The following SPECC1L variants were observed in gnomAD, a reference collection of about 807,000 sequenced individuals.
SPECC1L encodes sperm antigen with calponin homology and coiled-coil domains 1 like.
SPECC1L carries 40 observed loss-of-function variants against 116.8 expected under a neutral mutation model. That is an observed-to-expected ratio of 0.34 (90% confidence interval 0.27 to 0.45). SPECC1L has a LOEUF of 0.45. Ranked by LOEUF, SPECC1L falls within the 20% of genes least tolerant of loss-of-function variation. The pLI is 1.00. For missense variants in SPECC1L, 1,110 were observed against 1,373.6 expected (o/e 0.81, Z 3.03); for synonymous variants, 504 against 500.6 (o/e 1.01, Z -0.09).
intron 11 of SPECC1L, among the ~76,000 whole-genome samples, chr22:24,358,780 T>C (rs2041582835): frequency 6.6e-6 from 1 of 152,232 alleles, no homozygotes; most frequent in Non-Finnish European, 1.5e-5. Context: ...CCAAAGCTTC[T>C]ATTTTAAAAT....
intron 11 of SPECC1L, among the ~76,000 whole-genome samples, chr22:24,358,116 T>G (rs1232406665): frequency 4.6e-5 from 5 of 109,810 alleles, no homozygotes; most frequent in South Asian, 3.2e-4. Context: ...TTTTTTTTGG[T>G]TTTTTTTTTT....
chr22:24,364,381 G>C (rs1268932536), intron 12 of SPECC1L, among the ~76,000 whole-genome samples: 2 of 152,126 alleles, frequency 1.3e-5, no homozygotes, highest in African/African-American at 4.8e-5. Context: ...TGTGCCCTGA[G>C]GCCAGTTGCG....
intron 6 of SPECC1L, among the ~76,000 whole-genome samples, chr22:24,328,131 G>A (rs13056719): frequency 0.2 from 30,011 of 152,050 alleles, 3,700 homozygotes; most frequent in Admixed American, 0.28. Context: ...CAAAGAGAAG[G>A]TGACTTCCCT....
rs745666727 is a variant in SPECC1L at position 24,313,352 on chromosome 22, G to A, written c.193G>A (p.Gly65Arg). 4 of 1,614,126 alleles carry A rather than the reference G, an allele frequency of 2.5e-6. No individual in the cohort carries two copies. Among genetic ancestry groups the A allele is most frequent in the East Asian group, 4.5e-5 (2 of 44,888 alleles). Residue 65 changes from glycine to arginine, a missense_variant, in exon 4 of 17, where the codon GGG becomes AGG. By Grantham distance (125) the Gly-to-Arg change is moderately radical. Coordinates refer to ENST00000314328, the MANE Select transcript of SPECC1L (RefSeq NM_015330.6). ...SDDLLAGMAG[G>R]VTVTNGVKGK... is the part of the protein sequence containing the mutation. Reference sequence around the variant, plus strand: ...TGACCTTTTAGCTGGAATGGCCGGAGGGGTAACGGTGACTAATGGTGTTAA... The same window carrying A: ...TGACCTTTTAGCTGGAATGGCCGGAAGGGTAACGGTGACTAATGGTGTTAA...
intron 14 of SPECC1L, among the ~76,000 whole-genome samples, chr22:24,400,415 G>A (rs1252409384): frequency 6.6e-6 from 1 of 152,074 alleles, no homozygotes; most frequent in Non-Finnish European, 1.5e-5. Context: ...CCTTTTCATG[G>A]CCAAAAAATA....
intron 8 of SPECC1L, among the ~76,000 whole-genome samples, chr22:24,333,252 T>C (rs2040975471): frequency 6.6e-6 from 1 of 151,980 alleles, no homozygotes; most frequent in African/African-American, 2.4e-5. Flanking sequence ...AAAGTTGTAA[T>C]CATGACAGCT....
intron 10 of SPECC1L, among the ~76,000 whole-genome samples, chr22:24,344,908 T>C (rs1432830035): frequency 1.3e-5 from 2 of 152,222 alleles, no homozygotes; most frequent in Non-Finnish European, 2.9e-5. Flanking sequence ...ATGTCATTTA[T>C]AGATTGGAAG....
intron 14 of SPECC1L, among the ~76,000 whole-genome samples, chr22:24,396,557 C>A (rs1253683788): frequency 1.3e-5 from 2 of 152,132 alleles, no homozygotes; most frequent in Non-Finnish European, 2.9e-5. Context: ...CTCGGCCTCC[C>A]AAAGTGCTGG....
At chr22:24,354,464 C>G (rs1279513595) in intron 11 of SPECC1L, among the ~76,000 whole-genome samples, 3 of 152,060 alleles carry the variant, frequency 2.0e-5, no homozygotes, top group African/African-American at 4.8e-5. Flanking sequence ...GGATTATAAT[C>G]TACTACCATT....
intron 6 of SPECC1L, among the ~76,000 whole-genome samples, chr22:24,327,440 T>G: frequency 6.6e-6 from 1 of 152,112 alleles, no homozygotes; most frequent in South Asian, 2.1e-4. Flanking sequence ...TACTCATACT[T>G]TAGGGTCCTA....
chr22:24,382,784 G>C (rs1205403814), intron 14 of SPECC1L, among the ~76,000 whole-genome samples: 1 of 151,780 alleles, frequency 6.6e-6, no homozygotes, highest in East Asian at 1.9e-4. Flanking sequence ...TACTCAGGAG[G>C]CTGAGGCAGG....
intron 14 of SPECC1L, among the ~76,000 whole-genome samples, chr22:24,398,714 G>A (rs1187285098): frequency 2.6e-5 from 4 of 152,140 alleles, no homozygotes; most frequent in Admixed American, 6.5e-5. Context: ...TTTGTCCTGA[G>A]GGTAAATTAA....
chr22:24,335,952 G>A (rs567523491), intron 9 of SPECC1L, among the ~76,000 whole-genome samples: 1 of 151,984 alleles, frequency 6.6e-6, no homozygotes, highest in African/African-American at 2.4e-5. Flanking sequence ...TATGTATAAA[G>A]ATAGTATTAT....
At chr22:24,391,299 C>T (rs2042270553) in intron 14 of SPECC1L, among the ~76,000 whole-genome samples, 1 of 152,176 alleles carries the variant, frequency 6.6e-6, no homozygotes, top group South Asian at 2.1e-4. Context: ...AGCTGGGAAA[C>T]AAAGTTTTCC....
intron 14 of SPECC1L, among the ~76,000 whole-genome samples, chr22:24,377,576 A>G (rs952468837): frequency 2.6e-5 from 4 of 152,026 alleles, no homozygotes; most frequent in Admixed American, 6.6e-5. Context: ...CCCCTTTGTC[A>G]TTTGGTTAAA....
chr22:24,366,314 C>T (rs2041764828), intron 13 of SPECC1L, among the ~76,000 whole-genome samples: 1 of 152,108 alleles, frequency 6.6e-6, no homozygotes, highest in Non-Finnish European at 1.5e-5. Context: ...TTGCCTCAGC[C>T]TCCCGAGTAG....
rs2042719261 is a variant in SPECC1L, at chr22:24,412,535, C to T, written c.3205-113C>T. 1.1e-5 allele frequency: 10 copies of T among 950,204 alleles called. No individual in the cohort carries two copies. In the South Asian group the frequency reaches 1.3e-4, roughly 13 times the overall value. 58.9% of individuals were successfully genotyped at this position (950,204 alleles called of 1,614,324 possible). ...TCCCAGCATAGGTTTGTTGTGGCAC[C>T]AGGTAGAGGTGAGTGTCGTCCTTCA... On this transcript the variant is annotated intron_variant, in intron 15 of 16. Transcript: ENST00000314328.
intron 8 of SPECC1L, among the ~76,000 whole-genome samples, chr22:24,332,886 G>A (rs1201829029): frequency 6.6e-6 from 1 of 151,896 alleles, no homozygotes; most frequent in Non-Finnish European, 1.5e-5. Context: ...AGTAGAAAGG[G>A]GCTCTAAGAC....
chr22:24,273,011 C>T (rs1157326673), intron 1 of SPECC1L, among the ~76,000 whole-genome samples: 2 of 152,118 alleles, frequency 1.3e-5, no homozygotes, highest in African/African-American at 4.8e-5. Flanking sequence ...AACTAAATAA[C>T]GTGAGTGTCA....
Sources: allele counts gnomAD v4.1 joint callset (sites outside exome capture counted in the v4.1 genomes callset), GRCh38; gene constraint gnomAD v4.1.1; transcripts MANE v1.5; gene names NCBI Gene and HGNC (gene_info 2026-07-23, HGNC 2026-07-21).